The following MBOAT1 variants were observed in gnomAD, a reference collection of about 807,000 sequenced individuals.
The protein encoded by MBOAT1 is membrane bound glycerophospholipid O-acyltransferase 1, also known as membrane-bound glycerophospholipid O-acyltransferase 1.
A neutral mutation model predicts 64.4 loss-of-function variants in MBOAT1; 67 were observed. That is an observed-to-expected ratio of 1.04 (90% CI 0.85 to 1.27). The LOEUF is 1.27. Among genes scored for constraint, MBOAT1 ranks in the 50% most tolerant of loss-of-function variants. The pLI is 0.00. For missense variants in MBOAT1, 563 were observed against 604.6 expected, an observed-to-expected ratio of 0.93 and a Z score of 0.72; for synonymous variants, 229 against 218.9, an observed-to-expected ratio of 1.05 and a Z score of -0.41.
chr6:20,194,057 G>A (rs1479615481), intron 1 of MBOAT1, among the ~76,000 whole-genome samples: 1 of 151,694 alleles, frequency 6.6e-6, no homozygotes, highest in Non-Finnish European at 1.5e-5. Flanking sequence ...TAAATGGACG[G>A]CCTCAATGTC....
chr6:20,184,766 C>T (rs637511), intron 1 of MBOAT1, among the ~76,000 whole-genome samples: 86,746 of 151,540 alleles, frequency 0.57, 25,683 homozygotes, highest in Admixed American at 0.67. Flanking sequence ...TTCCCTCATC[C>T]TTACCCTCCT....
chr6:20,119,506 T>C (rs2113642317), intron 8 of MBOAT1, among the ~76,000 whole-genome samples: 1 of 152,336 alleles, frequency 6.6e-6, no homozygotes, highest in Admixed American at 6.5e-5. Context: ...TCTTCCTTTT[T>C]CTATAAAAGT....
At chr6:20,163,167 T>TCC (rs1452873109) in intron 1 of MBOAT1, among the ~76,000 whole-genome samples, 2 of 152,186 alleles carry the variant, frequency 1.3e-5, no homozygotes, top group African/African-American at 4.8e-5. Flanking sequence ...TATCTACGTA[T>TCC]TTCAGCCTGC....
chr6:20,127,216 G>T (rs1346791046), intron 6 of MBOAT1, among the ~76,000 whole-genome samples: 1 of 152,202 alleles, frequency 6.6e-6, no homozygotes, highest in Non-Finnish European at 1.5e-5. Context: ...TGGCAACCAG[G>T]CCTGAGTTCC....
chr6:20,212,429 G>C lies in MBOAT1; in HGVS notation c.-195C>G. On this transcript the variant is annotated 5_prime_UTR_variant, in exon 1 of 13. Transcript: ENST00000324607. Reference sequence around the variant, plus strand: ...CGCAAACTCTCGAGGCGCAAACTTGGCTTTGGCGCTGGCGCTGCAGCCACG... The same window carrying C: ...CGCAAACTCTCGAGGCGCAAACTTGCCTTTGGCGCTGGCGCTGCAGCCACG... 1 of 587,762 alleles carries C rather than the reference G, an allele frequency of 1.7e-6. No individual in the cohort carries two copies. The highest frequency in any genetic ancestry group is 3.0e-6 in the Non-Finnish European group (1 of 337,260). The allele number at this position is 587,762 out of a possible 1,614,324, so 36.4% of individuals were successfully genotyped here. A position where few individuals can be genotyped will look rare whatever the true frequency, so the allele number is the denominator to read the frequency against.
intron 4 of MBOAT1, among the ~76,000 whole-genome samples, chr6:20,136,377 A>AAT (rs1304754798): frequency 6.6e-6 from 1 of 152,276 alleles, no homozygotes; most frequent in African/African-American, 2.4e-5. Context: ...TCTATATTCG[A>AAT]ATATACTTGG....
intron 9 of MBOAT1, among the ~76,000 whole-genome samples, chr6:20,117,550 T>G (rs1015521624): frequency 6.6e-5 from 10 of 152,184 alleles, no homozygotes; most frequent in African/African-American, 2.4e-4. Context: ...AGGCAAAAGA[T>G]GTTGGGGGCT....
chr6:20,120,746 CA>C (rs1274474020), intron 8 of MBOAT1, among the ~76,000 whole-genome samples: 1 of 152,122 alleles, frequency 6.6e-6, no homozygotes, highest in Non-Finnish European at 1.5e-5. Flanking sequence ...ACAACCTGAG[CA>C]GGTAAGAGCC....
chr6:20,160,454 A>G (rs1043003727), intron 1 of MBOAT1, among the ~76,000 whole-genome samples: 3 of 152,240 alleles, frequency 2.0e-5, no homozygotes, highest in African/African-American at 7.2e-5. Context: ...GTAACAAACT[A>G]AAAAGCTTCT....
intron 2 of MBOAT1, 34 bp downstream of exon 2, chr6:20,152,590 G>T (rs369097130): frequency 6.9e-5 from 109 of 1,575,590 alleles, no homozygotes; most frequent in Non-Finnish European, 9.0e-5. Flanking sequence ...ACATCCAAAT[G>T]ACCAATATTA....
chr6:20,107,004 C>T (rs1759977826), intron 12 of MBOAT1, among the ~76,000 whole-genome samples: 1 of 152,180 alleles, frequency 6.6e-6, no homozygotes. Context: ...AATATTATCA[C>T]TAGCAAATCA....
intron 1 of MBOAT1, among the ~76,000 whole-genome samples, chr6:20,159,484 T>C (rs149082490): frequency 3.2e-4 from 49 of 152,270 alleles, no homozygotes; most frequent in Middle Eastern, 3.4e-3. Flanking sequence ...TGCGACAACA[T>C]GATACACCTA....
chr6:20,193,064 G>T (rs1229223563), intron 1 of MBOAT1, among the ~76,000 whole-genome samples: 1 of 130,620 alleles, frequency 7.7e-6, no homozygotes, highest in East Asian at 2.4e-4. Flanking sequence ...GGAGTGCAGT[G>T]GCGAGATCTC....
intron 12 of MBOAT1, among the ~76,000 whole-genome samples, chr6:20,107,437 A>G (rs1335145752): frequency 6.6e-6 from 1 of 152,156 alleles, no homozygotes; most frequent in Non-Finnish European, 1.5e-5. Flanking sequence ...CCCACTGCAC[A>G]ACCTCCAGGA....
intron 8 of MBOAT1, among the ~76,000 whole-genome samples, chr6:20,122,515 G>A (rs1156516611): frequency 6.6e-6 from 1 of 152,204 alleles, no homozygotes; most frequent in South Asian, 2.1e-4. Context: ...AAAGTGTACA[G>A]AAACAAAATT....
At position 20,101,709 on chromosome 6, in the gene MBOAT1, T is replaced by C. The variant is rs1368560510; in HGVS notation, c.*577A>G. 2.0e-5 allele frequency among the ~76,000 whole-genome samples: 3 copies of C among 152,126 alleles called. No individual in the cohort carries two copies. The highest frequency in any genetic ancestry group is 7.2e-5 in the African/African-American group (3 of 41,410). On this transcript the variant is annotated 3_prime_UTR_variant, in exon 13 of 13. Coordinates refer to ENST00000324607, the MANE Select transcript of MBOAT1 (RefSeq NM_001080480.3). ...AAAGCCAGCAGCCCAGAATGGACTG[T>C]CTCTGCAGCTCTGGCACATTCTCTA...
intron 5 of MBOAT1, 78 bp downstream of exon 5, chr6:20,131,066 C>T: frequency 7.9e-7 from 1 of 1,271,608 alleles, no homozygotes; most frequent in Non-Finnish European, 1.1e-6. Flanking sequence ...AAACTTTGGA[C>T]TGTGTACATA....
At position 20,124,525 on chromosome 6, in the gene MBOAT1, CA is replaced by C; in HGVS notation, c.789del (p.Val264SerfsTer39). ...AACCAGTCATCCACAAGGCAGGTGA[CA>C]GGAAAGGTCTTCGTTAGCGTCAAAA... is the stretch of plus-strand genomic sequence containing the variant. Reference protein sequence around the residue: ...LLFLTLTKTFPVTCLVDDWFV... With the variant: ...LLFLTLTKTFXVTCLVDDWFV... On this transcript the variant is annotated frameshift_variant, in exon 8 of 13. Coordinates refer to ENST00000324607, the MANE Select transcript of MBOAT1 (RefSeq NM_001080480.3). LOFTEE classifies it high-confidence loss of function. The C allele has an allele frequency of 1.2e-6, 2 of 1,614,184 alleles. No homozygotes were observed. Among genetic ancestry groups the C allele is most frequent in the Non-Finnish European group, 1.7e-6 (2 of 1,180,034 alleles).
At position 20,119,344 on chromosome 6, in the gene MBOAT1, C is replaced by T. The variant is rs75711644; in HGVS notation, c.908-804G>A. Among the ~76,000 whole-genome samples the T allele has an allele frequency of 6.4e-3, 967 of 152,274 alleles. 13 individuals are homozygous for T. The highest frequency in any genetic ancestry group is 0.012 in the Admixed American group (188 of 15,290). On this transcript the variant is annotated intron_variant, in intron 8 of 12. Coordinates refer to ENST00000324607, the MANE Select transcript of MBOAT1 (RefSeq NM_001080480.3). ...TCAATTCCTTAATGAACTCAACTCA[C>T]TTTTTTTATTATGATGACCAAGAGG...
Sources: allele counts gnomAD v4.1 joint callset (sites outside exome capture counted in the v4.1 genomes callset), GRCh38; gene constraint gnomAD v4.1.1; transcripts MANE v1.5; gene names NCBI Gene and HGNC (gene_info 2026-07-23, HGNC 2026-07-21).